Variants in NALF1 observed in about 807,000 individuals in gnomAD.
NALF1 encodes NALCN channel auxiliary factor 1, also known as family with sequence similarity 155 member A.
A neutral mutation model predicts 48.4 loss-of-function variants in NALF1; 3 were observed. The observed-to-expected ratio is 0.06, with a 90% CI of 0.03 to 0.16. NALF1 has a LOEUF of 0.16. NALF1 is among the 10% of genes least tolerant of loss of function. NALF1 has a pLI of 1.00. For synonymous variants in NALF1, 262 were observed against 245.7 expected (o/e 1.07, Z -0.62); for missense variants, 526 against 571.5 (o/e 0.92, Z 0.81).
chr13:107,777,091 C>G (rs1877755158), intron 1 of NALF1, among the ~76,000 whole-genome samples: 1 of 152,086 alleles, frequency 6.6e-6, no homozygotes, highest in African/African-American at 2.4e-5. Flanking sequence ...GAACCTGTCT[C>G]AAACAAACGA....
intron 1 of NALF1, among the ~76,000 whole-genome samples, chr13:107,692,341 A>G (rs1033421415): frequency 6.6e-6 from 1 of 152,192 alleles, no homozygotes; most frequent in African/African-American, 2.4e-5. Context: ...CAAGTTTTTG[A>G]AATATTAGTT....
intron 1 of NALF1, among the ~76,000 whole-genome samples, chr13:107,654,957 G>A (rs1305317077): frequency 6.6e-6 from 1 of 152,104 alleles, no homozygotes; most frequent in Non-Finnish European, 1.5e-5. Context: ...ATCCCTTAAT[G>A]ATTAAAACCC....
intron 1 of NALF1, among the ~76,000 whole-genome samples, chr13:107,635,626 C>T (rs1566424357): frequency 6.6e-6 from 1 of 152,262 alleles, no homozygotes; most frequent in East Asian, 1.9e-4. Flanking sequence ...TTCTCTTAGC[C>T]TTTCTAAACT....
At chr13:107,630,534 A>C (rs1879808627) in intron 1 of NALF1, among the ~76,000 whole-genome samples, 1 of 152,134 alleles carries the variant, frequency 6.6e-6, no homozygotes, top group Admixed American at 6.6e-5. Flanking sequence ...TAAAAGCAGA[A>C]ATACTGTTTT....
At chr13:107,481,753 C>G (rs1885257485) in intron 1 of NALF1, among the ~76,000 whole-genome samples, 1 of 152,036 alleles carries the variant, frequency 6.6e-6, no homozygotes, top group Admixed American at 6.6e-5. Context: ...ACAGCATAAG[C>G]AACACTTCTT....
chr13:107,675,201 A>T (rs888668788), intron 1 of NALF1, among the ~76,000 whole-genome samples: 1 of 152,184 alleles, frequency 6.6e-6, no homozygotes, highest in African/African-American at 2.4e-5. Flanking sequence ...TTCCATAGCA[A>T]CTTGCTCATC....
intron 1 of NALF1, among the ~76,000 whole-genome samples, chr13:107,242,866 A>G (rs1261717906): frequency 1.3e-5 from 2 of 152,052 alleles, no homozygotes; most frequent in African/African-American, 4.8e-5. Context: ...CTTGTACTCT[A>G]TCACAAAATA....
chr13:107,239,380 C>T (rs1031734938), intron 1 of NALF1, among the ~76,000 whole-genome samples: 2 of 152,172 alleles, frequency 1.3e-5, no homozygotes, highest in Admixed American at 6.5e-5. Flanking sequence ...GTCTCTGCCT[C>T]TCTGGTCACA....
At chr13:107,353,390 G>A (rs1336918275) in intron 1 of NALF1, among the ~76,000 whole-genome samples, 4 of 152,166 alleles carry the variant, frequency 2.6e-5, no homozygotes, top group African/African-American at 9.6e-5. Context: ...GGGAAAACAA[G>A]CATTTTAGTC....
At chr13:107,472,024 A>G (rs1885108949) in intron 1 of NALF1, among the ~76,000 whole-genome samples, 1 of 152,186 alleles carries the variant, frequency 6.6e-6, no homozygotes, top group African/African-American at 2.4e-5. Context: ...TACAGGCTCC[A>G]AAGTAATCAT....
At chr13:107,177,997 A>T (rs2138770956) in intron 2 of NALF1, among the ~76,000 whole-genome samples, 1 of 152,262 alleles carries the variant, frequency 6.6e-6, no homozygotes, top group South Asian at 2.1e-4. Flanking sequence ...CAGTGAGTCG[A>T]GATTGTGCCA....
At chr13:107,738,972 T>G (rs891023760) in intron 1 of NALF1, among the ~76,000 whole-genome samples, 1 of 152,176 alleles carries the variant, frequency 6.6e-6, no homozygotes, top group Non-Finnish European at 1.5e-5. Flanking sequence ...GAGTTCAGTA[T>G]AATTTTCAAT....
rs143428781 is a variant in NALF1, at chr13:107,459,392, A to AATATAT, written c.916-248643_916-248638dup. ...AAAAGCTTTTAAGGTAAAACATACAAATATATATATATATAAGGCCTGTTT... is the reference window on the plus strand; with the variant it reads ...AAAAGCTTTTAAGGTAAAACATACAAATATATATATATATATATATAAGGCCTGTTT... On this transcript the variant is annotated intron_variant, in intron 1 of 2. Transcript: ENST00000375915. Among the ~76,000 whole-genome samples the AATATAT allele has an allele frequency of 2.7e-5, 4 of 150,654 alleles. No individual in the cohort carries two copies. In the South Asian group the frequency reaches 8.4e-4, roughly 32 times the overall value.
intron 1 of NALF1, among the ~76,000 whole-genome samples, chr13:107,262,087 A>G (rs191002634): frequency 6.6e-6 from 1 of 152,328 alleles, no homozygotes; most frequent in African/African-American, 2.4e-5. Context: ...GCATGCTTCT[A>G]CATATTGTAA....
intron 1 of NALF1, among the ~76,000 whole-genome samples, chr13:107,750,503 T>C (rs1376574252): frequency 1.3e-5 from 2 of 151,568 alleles, no homozygotes; most frequent in Admixed American, 6.6e-5. Context: ...TATAAAAGCA[T>C]GCAGTTAGTT....
At chr13:107,253,159 A>T (rs1286397014) in intron 1 of NALF1, among the ~76,000 whole-genome samples, 2 of 120,236 alleles carry the variant, frequency 1.7e-5, no homozygotes, top group Non-Finnish European at 3.4e-5. Context: ...GATCTGAAAT[A>T]CTGGGACTTC....
At chr13:107,724,511 A>T (rs990208099) in intron 1 of NALF1, among the ~76,000 whole-genome samples, 1 of 152,156 alleles carries the variant, frequency 6.6e-6, no homozygotes, top group African/African-American at 2.4e-5. Flanking sequence ...GAAATGAAAA[A>T]CAATGTATAC....
chr13:107,796,620 C>T (rs1485304646), intron 1 of NALF1, among the ~76,000 whole-genome samples: 1 of 152,104 alleles, frequency 6.6e-6, no homozygotes, highest in Admixed American at 6.6e-5. Context: ...TCCTTTGTGT[C>T]GTTCCCCTTC....
At chr13:107,724,692 G>T (rs1476697163) in intron 1 of NALF1, among the ~76,000 whole-genome samples, 1 of 152,104 alleles carries the variant, frequency 6.6e-6, no homozygotes, top group Non-Finnish European at 1.5e-5. Flanking sequence ...CTCCTGAATA[G>T]CTGGGACTAC....
Sources: gnomAD v4.1 joint callset for allele counts (sites outside exome capture counted in the v4.1 genomes callset) on GRCh38, gnomAD v4.1.1 for gene constraint, MANE v1.5 for transcripts, NCBI Gene and HGNC (gene_info 2026-07-23, HGNC 2026-07-21) for gene names.